Variants in PAPPA2 observed in about 807,000 individuals in gnomAD.
The protein encoded by PAPPA2 is pappalysin 2, also known as pappalysin-2.
In PAPPA2, 86 loss-of-function variants were observed where a neutral mutation model predicts 176.4. That is an observed-to-expected ratio of 0.49 (90% CI 0.41 to 0.58). The LOEUF (loss-of-function observed/expected upper bound fraction) is 0.58, where lower values mean the gene tolerates loss of function less well. Among genes scored for constraint, PAPPA2 ranks in the 20% least tolerant of loss-of-function variants. The pLI is 0.00. For missense variants in PAPPA2, 2,073 were observed against 2,256.9 expected, an observed-to-expected ratio of 0.92 and a Z score of 1.65; for synonymous variants, 809 against 852.2, an observed-to-expected ratio of 0.95 and a Z score of 0.88.
chr1:176,637,360 C>A (rs1220784004), intron 3 of PAPPA2, among the ~76,000 whole-genome samples: 1 of 152,076 alleles, frequency 6.6e-6, no homozygotes, highest in Admixed American at 6.6e-5. Context: ...CAGCTGGGTG[C>A]AGGATGGGTT....
intron 8 of PAPPA2, among the ~76,000 whole-genome samples, 154 bp from the exon 9 acceptor site, chr1:176,702,453 T>C (rs1336804129): frequency 6.6e-6 from 1 of 152,252 alleles, no homozygotes; most frequent in Non-Finnish European, 1.5e-5. Context: ...TCGGGAAGAC[T>C]GTGCCCTGAT....
At chr1:176,705,521 A>C (rs528511115) in intron 9 of PAPPA2, among the ~76,000 whole-genome samples, 1 of 152,242 alleles carries the variant, frequency 6.6e-6, no homozygotes, top group East Asian at 1.9e-4. Context: ...AGCATGAAAA[A>C]AGTCAAGGAG....
intron 1 of PAPPA2, among the ~76,000 whole-genome samples, chr1:176,484,642 T>A (rs1424897267): frequency 6.6e-6 from 1 of 152,198 alleles, no homozygotes; most frequent in Non-Finnish European, 1.5e-5. Context: ...GTTAAGCCCT[T>A]CAAAGGCATT....
chr1:176,634,234 A>T (rs1360099938), intron 3 of PAPPA2, among the ~76,000 whole-genome samples: 1 of 152,254 alleles, frequency 6.6e-6, no homozygotes, highest in African/African-American at 2.4e-5. Context: ...AAAATGTGGC[A>T]CTTATACACC....
chr1:176,566,680 A>G (rs1028540316), intron 2 of PAPPA2, among the ~76,000 whole-genome samples: 5 of 152,172 alleles, frequency 3.3e-5, no homozygotes, highest in Non-Finnish European at 4.4e-5. Flanking sequence ...TTGGCAGCCC[A>G]CATACATCCA....
chr1:176,803,538 C>CCAAT (rs1353131149), intron 21 of PAPPA2, among the ~76,000 whole-genome samples: 2 of 152,230 alleles, frequency 1.3e-5, no homozygotes, highest in South Asian at 4.1e-4. Flanking sequence ...TCGATTGTGT[C>CCAAT]CAATCAGTCA....
Position 176,769,637 on chromosome 1 carries a change from C to A in PAPPA2, c.4354C>A (p.His1452Asn), listed in dbSNP as rs1664129395. Residue 1452 changes from histidine (H) to asparagine (N), a missense_variant, in exon 16 of 23, where the codon CAC becomes AAC. Coordinates refer to ENST00000367662, the MANE Select transcript of PAPPA2 (RefSeq NM_020318.3). ...KEILLTCSSG[H>N]WDQNVSCLPV... ...AATTCTGCTCACATGTTCTTCTGGG[C>A]ACTGGGACCAGAATGTGAGCTGCCT... The A allele has an allele frequency of 4.3e-6, 7 of 1,613,536 alleles. No homozygotes were observed. Among genetic ancestry groups the A allele is most frequent in the Non-Finnish European group, 5.9e-6 (7 of 1,179,854 alleles).
At chr1:176,792,885 T>G (rs1047369100) in intron 19 of PAPPA2, among the ~76,000 whole-genome samples, 3 of 152,152 alleles carry the variant, frequency 2.0e-5, no homozygotes, top group Non-Finnish European at 2.9e-5. Context: ...GGACTCTGTG[T>G]GGAAGGGAAT....
At chr1:176,621,980 A>G (rs1412802113) in intron 3 of PAPPA2, among the ~76,000 whole-genome samples, 5 of 152,068 alleles carry the variant, frequency 3.3e-5, no homozygotes, top group African/African-American at 1.2e-4. Flanking sequence ...CTTAACACCT[A>G]TTGAGGGTAA....
rs574260241 is a variant in PAPPA2 at position 176,771,753 on chromosome 1, C to T, written c.4715+573C>T. On this transcript the variant is annotated intron_variant, in intron 17 of 22. Coordinates refer to ENST00000367662, the MANE Select transcript of PAPPA2 (RefSeq NM_020318.3). ...TCTCCTTTCTTCTTCCTGAATTTTA[C>T]GTATGTGCACTCCTAGACCCATGGC... Among the ~76,000 whole-genome samples, 107 of 152,250 alleles carry T rather than the reference C, an allele frequency of 7.0e-4. No homozygotes were observed. The Middle Eastern group carries it at 0.01, about 15-fold the overall frequency.
At chr1:176,591,285 C>T (rs187435640) in intron 2 of PAPPA2, among the ~76,000 whole-genome samples, 16 of 152,276 alleles carry the variant, frequency 1.1e-4, no homozygotes, top group African/African-American at 3.9e-4. Context: ...ACTCTCTAGC[C>T]TTCCCAGACA....
rs968835677 is a variant in PAPPA2, at chr1:176,555,980, A to G, written c.-343A>G. On this transcript the variant is annotated 5_prime_UTR_variant, in exon 2 of 23. Coordinates refer to ENST00000367662, the MANE Select transcript of PAPPA2 (RefSeq NM_020318.3). Reference sequence around the variant, plus strand: ...TTACTGAAGAAGAAGGGGGGAAAAAAAAAGAAAGAAATCTGAGCTTTCTGG... The same window carrying G: ...TTACTGAAGAAGAAGGGGGGAAAAAGAAAGAAAGAAATCTGAGCTTTCTGG... 9 of 242,280 alleles carry G rather than the reference A, an allele frequency of 3.7e-5. No homozygotes were observed. The highest frequency in any genetic ancestry group is 1.9e-4 in the South Asian group (2 of 10,708). 15.0% of individuals were successfully genotyped at this position (242,280 alleles called of 1,614,324 possible). A position where few individuals can be genotyped will look rare whatever the true frequency, so the allele number is the denominator to read the frequency against.
At chr1:176,778,566 A>T (rs1389117580) in intron 17 of PAPPA2, among the ~76,000 whole-genome samples, 1 of 152,202 alleles carries the variant, frequency 6.6e-6, no homozygotes, top group South Asian at 2.1e-4. Flanking sequence ...AGGCAAGCTA[A>T]AACTCATTAA....
intron 1 of PAPPA2, among the ~76,000 whole-genome samples, chr1:176,548,878 GA>G (rs1351875026): frequency 6.6e-6 from 1 of 152,106 alleles, no homozygotes; most frequent in African/African-American, 2.4e-5. Context: ...CTCAAGACAT[GA>G]AAAGTCTGGT....
chr1:176,695,681 C>A, intron 6 of PAPPA2, 57 bp from the exon 7 acceptor site: 2 of 1,589,780 alleles, frequency 1.3e-6, no homozygotes, highest in African/African-American at 1.3e-5. Context: ...ATTTTCTTAT[C>A]CCAACTCATC....
intron 2 of PAPPA2, among the ~76,000 whole-genome samples, chr1:176,570,596 G>GAAGAT (rs2102612705): frequency 6.6e-6 from 1 of 151,840 alleles, no homozygotes; most frequent in African/African-American, 2.4e-5. Context: ...CATGGATCCT[G>GAAGAT]AAGATAAAAG....
At chr1:176,495,310 G>A (rs369674737) in intron 1 of PAPPA2, among the ~76,000 whole-genome samples, 7 of 152,116 alleles carry the variant, frequency 4.6e-5, no homozygotes, top group South Asian at 2.1e-4. Flanking sequence ...GGAGGCCGAG[G>A]CAGGCGAATC....
At chr1:176,684,568 A>G (rs924426025) in intron 4 of PAPPA2, among the ~76,000 whole-genome samples, 4 of 152,168 alleles carry the variant, frequency 2.6e-5, no homozygotes, top group Admixed American at 2.0e-4. Context: ...CCATTCTACT[A>G]TCATATTTTA....
At chr1:176,478,191 A>G (rs77116156) in intron 1 of PAPPA2, among the ~76,000 whole-genome samples, 8,534 of 152,348 alleles carry the variant, frequency 0.056, 297 homozygotes, top group Middle Eastern at 0.12. Flanking sequence ...TTTATTTTCA[A>G]TAAGAAGACA....
Sources: allele counts gnomAD v4.1 joint callset (sites outside exome capture counted in the v4.1 genomes callset), GRCh38; gene constraint gnomAD v4.1.1; transcripts MANE v1.5; gene names NCBI Gene and HGNC (gene_info 2026-07-23, HGNC 2026-07-21).